RNH1: variants seen among roughly 807,000 people sequenced by gnomAD.
RNH1 encodes ribonuclease/angiogenin inhibitor 1, also known as ribonuclease inhibitor.
Under a neutral mutation model 46.1 loss-of-function variants are expected in RNH1, and 38 were observed. The observed-to-expected ratio is 0.82, with a 90% CI of 0.64 to 1.08. The LOEUF (loss-of-function observed/expected upper bound fraction) is 1.08. Among genes scored for constraint, RNH1 ranks in the 50% least tolerant of loss-of-function variants. RNH1 has a pLI of 0.00. For synonymous variants in RNH1, 319 were observed against 279.1 expected (o/e 1.14, Z -1.43); for missense variants, 577 against 590.7 (o/e 0.98, Z 0.24).
At chr11:497,159 T>G in intron 9 of RNH1, among the ~76,000 whole-genome samples, 1 of 142,320 alleles carries the variant, frequency 7.0e-6, no homozygotes, top group East Asian at 2.1e-4. Flanking sequence ...TCATGCTCAC[T>G]CTCACCCATG....
chr11:499,014 C>A lies in RNH1; in HGVS notation c.614+1G>T. ...GCACCCCCCCAAGGCCCAGTGCCTACTTGAGCGCCTCCAGCTGGCAGGGGG... is the reference window on the plus strand; with the variant it reads ...GCACCCCCCCAAGGCCCAGTGCCTAATTGAGCGCCTCCAGCTGGCAGGGGG... On this transcript the variant is annotated splice_donor_variant, in intron 6 of 10. Transcript: ENST00000354420. LOFTEE classifies it high-confidence loss of function. 6.2e-7 allele frequency: 1 copy of A among 1,612,976 alleles called. No individual in the cohort carries two copies. Among genetic ancestry groups the A allele is most frequent in the Non-Finnish European group, 8.5e-7 (1 of 1,179,910 alleles).
chr11:496,856 G>A (rs1192182948), intron 9 of RNH1, among the ~76,000 whole-genome samples: 11 of 152,282 alleles, frequency 7.2e-5, no homozygotes, highest in Admixed American at 4.6e-4. Flanking sequence ...CACAGGCGGG[G>A]TTCCCGCAAG....
intron 5 of RNH1, 158 bp from the exon 6 acceptor site, chr11:499,343 C>T: frequency 1.3e-6 from 1 of 764,458 alleles, no homozygotes; most frequent in Non-Finnish European, 2.1e-6. Flanking sequence ...CATCCAGAGG[C>T]CCGGGCCTCT....
chr11:494,543 A>T lies in RNH1; in HGVS notation c.*148T>A. On this transcript the variant is annotated 3_prime_UTR_variant, in exon 11 of 11. Coordinates refer to ENST00000354420, the MANE Select transcript of RNH1 (RefSeq NM_203387.3). ...CAAGAAAGTGCTTTAATGATTATAA[A>T]GTGTCCAAAATATACTGGCAGAAAT... 2 of 736,674 alleles carry T rather than the reference A, an allele frequency of 2.7e-6. No homozygotes were observed. Among genetic ancestry groups the T allele is most frequent in the Non-Finnish European group, 4.7e-6 (2 of 429,916 alleles). 45.6% of individuals were successfully genotyped at this position (736,674 alleles called of 1,614,324 possible).
chr11:497,278 C>G (rs1030803791), intron 9 of RNH1, among the ~76,000 whole-genome samples: 1 of 150,348 alleles, frequency 6.7e-6, no homozygotes, highest in Non-Finnish European at 1.5e-5. Flanking sequence ...TGCTCACACA[C>G]GGACACTCGT....
intron 9 of RNH1, 25 bp downstream of exon 9, chr11:497,946 A>C: frequency 6.2e-7 from 1 of 1,603,412 alleles, no homozygotes; most frequent in Non-Finnish European, 8.5e-7. Context: ...CCAAATGTGC[A>C]TACTCGTGTC....
intron 4 of RNH1, 51 bp downstream of exon 4, chr11:500,433 C>G (rs919094868): frequency 6.4e-7 from 1 of 1,568,416 alleles, no homozygotes; most frequent in African/African-American, 1.3e-5. Flanking sequence ...TGCTGCCGGG[C>G]TACCAAAGCA....
In RNH1 at chr11:501,257, C is replaced by T; in HGVS notation, c.102-603G>A. On this transcript the variant is annotated intron_variant, in intron 3 of 10. Transcript: ENST00000354420. This position sits in a 1 kb window ranked among gnomAD's most constrained non-coding sequence, Gnocchi z 4.1. ...TCCTGGCAGGCCCCACGGCATCTCC[C>T]TGCATTCCTGCCAAAACTGTAGGAC... The T allele has an allele frequency of 5.1e-6, 1 of 194,402 alleles. No homozygotes were observed. Among genetic ancestry groups the T allele is most frequent in the Non-Finnish European group, 1.1e-5 (1 of 92,234 alleles). The allele number at this position is 194,402 out of a possible 1,614,324, so 12.0% of individuals were successfully genotyped here. A position where few individuals can be genotyped will look rare whatever the true frequency, so the allele number is the denominator to read the frequency against.
intron 2 of RNH1, chr11:504,430 A>ACGCCGC (rs1184359489): frequency 6.5e-6 from 1 of 152,808 alleles, no homozygotes; most frequent in East Asian, 1.9e-4. Flanking sequence ...CGCTCACCCG[A>ACGCCGC]CGCCGCCGCC....
At chr11:497,566 C>A (rs559083702) in intron 9 of RNH1, among the ~76,000 whole-genome samples, 2 of 43,074 alleles carry the variant, frequency 4.6e-5, no homozygotes, top group Admixed American at 4.8e-4. Flanking sequence ...TGCTCACACA[C>A]GGACACGTGC....
chr11:499,501 G>T (rs994948115), intron 5 of RNH1: 1 of 695,390 alleles, frequency 1.4e-6, no homozygotes, highest in Non-Finnish European at 2.6e-6. Flanking sequence ...CAATGGCCGG[G>T]TCCCCCACAC....
At chr11:500,122 G>A in intron 4 of RNH1, 123 bp from the exon 5 acceptor site, 2 of 1,182,228 alleles carry the variant, frequency 1.7e-6, no homozygotes, top group Admixed American at 2.9e-5. Flanking sequence ...CTCCTTCCCT[G>A]GACGGGGCTC....
chr11:500,168 C>T (rs1361914133), intron 4 of RNH1, 169 bp from the exon 5 acceptor site: 2 of 790,792 alleles, frequency 2.5e-6, no homozygotes, highest in East Asian at 5.4e-5. Context: ...TGAAGGAGGG[C>T]ACGCATGTGG....
intron 4 of RNH1, chr11:500,276 T>C: frequency 1.4e-6 from 1 of 691,930 alleles, no homozygotes; most frequent in Non-Finnish European, 2.4e-6. Context: ...AGATCTTGGG[T>C]GCGGGGGCTG....
In RNH1 at chr11:499,031, G is replaced by T. The variant is rs1176688551; in HGVS notation, c.598C>A (p.Gln200Lys). ...AGTGCCTACTTGAGCGCCTCCAGCT[G>T]GCAGGGGGAGTCCTTCAGGCCCTGG... ...LCQGLKDSPC[Q>K]LEALKLESCG... The change falls in exon 6 of 11, where the codon CAG (glutamine) becomes AAG (lysine). Residue 200 changes from glutamine (Q) to lysine (K), a missense_variant. Gln to Lys is a moderately conservative substitution (Grantham distance 53). Coordinates refer to ENST00000354420, the MANE Select transcript of RNH1 (RefSeq NM_203387.3). 2 of 1,613,168 alleles carry T rather than the reference G, an allele frequency of 1.2e-6. No individual in the cohort carries two copies. Among genetic ancestry groups the T allele is most frequent in the Admixed American group, 3.3e-5 (2 of 60,026 alleles).
At chr11:496,846 C>CA (rs1211771073) in intron 9 of RNH1, among the ~76,000 whole-genome samples, 6 of 152,264 alleles carry the variant, frequency 3.9e-5, no homozygotes, top group Admixed American at 1.3e-4. Context: ...AACATCCTGA[C>CA]ACAGGCGGGG....
intron 9 of RNH1, 54 bp from the exon 10 acceptor site, chr11:495,107 A>G (rs948064031): frequency 8.4e-6 from 13 of 1,547,836 alleles, no homozygotes; most frequent in Non-Finnish European, 1.1e-5. Flanking sequence ...CACCGCACTG[A>G]CCGGCAGAGC....
Position 499,967 on chromosome 11 carries a change from C to T in RNH1, c.305G>A (p.Cys102Tyr), listed in dbSNP as rs781632115. Residue 102 changes from cysteine (C) to tyrosine (Y), a missense_variant, in exon 5 of 11, where the codon TGC becomes TAC. Cys to Tyr is a radical substitution (Grantham distance 194). Transcript: ENST00000354420. ...LQNCCLTGAG[C>Y]GVLSSTLRTL... Reference sequence around the variant, plus strand: ...GCGTAGTGTGCTGGACAGGACCCCGCAGCCGGCCCCCGTCAGGCAGCAGTT... The same window carrying T: ...GCGTAGTGTGCTGGACAGGACCCCGTAGCCGGCCCCCGTCAGGCAGCAGTT... The T allele has an allele frequency of 6.3e-7, 1 of 1,594,602 alleles. No individual in the cohort carries two copies. The highest frequency in any genetic ancestry group is 1.1e-5 in the South Asian group (1 of 89,006).
Position 504,882 on chromosome 11 carries a change from G to C in RNH1, c.-146C>G, listed in dbSNP as rs1850129008. 6.6e-6 allele frequency: 1 copy of C among 152,258 alleles called. No homozygotes were observed. 9.4% of individuals were successfully genotyped at this position (152,258 alleles called of 1,614,324 possible). A position where few individuals can be genotyped will look rare whatever the true frequency, so the allele number is the denominator to read the frequency against. Reference sequence around the variant, plus strand: ...AGGTGGAACAGGTTGACGATGATTTGTTGTAGCTGAGGCGAACGGGGCGAG... The same window carrying C: ...AGGTGGAACAGGTTGACGATGATTTCTTGTAGCTGAGGCGAACGGGGCGAG... On this transcript the variant is annotated 5_prime_UTR_variant, in exon 2 of 11. Transcript: ENST00000354420.
Sources: gnomAD v4.1 joint callset for allele counts (sites outside exome capture counted in the v4.1 genomes callset) on GRCh38, gnomAD v4.1.1 for gene constraint, Gnocchi (gnomAD v3.1) non-coding constraint, MANE v1.5 for transcripts, NCBI Gene and HGNC (gene_info 2026-07-23, HGNC 2026-07-21) for gene names.